Variants in SCHIP1 observed in about 807,000 individuals in gnomAD.
SCHIP1 encodes the protein schwannomin interacting protein 1.
Under a neutral mutation model 29.7 loss-of-function variants are expected in SCHIP1, and 8 were observed. The ratio of observed to expected loss-of-function variants is 0.27; its 90% CI spans 0.16 to 0.49. SCHIP1 has a LOEUF of 0.49. Ranked by LOEUF, SCHIP1 falls within the 20% of genes least tolerant of loss-of-function variation. The probability of loss-of-function intolerance (pLI) is 0.99; values close to 1 mark genes in which losing one functional copy is unlikely to be tolerated. For missense variants in SCHIP1, 193 were observed against 294.6 expected, an observed-to-expected ratio of 0.66 and a Z score of 2.52; for synonymous variants, 76 against 94.9, an observed-to-expected ratio of 0.80 and a Z score of 1.16.
intron 1 of SCHIP1, among the ~76,000 whole-genome samples, chr3:159,850,931 A>G (rs1027271237): frequency 3.9e-5 from 6 of 152,166 alleles, no homozygotes; most frequent in African/African-American, 1.4e-4. Context: ...GATCCAAACC[A>G]CATATCTGGA....
chr3:159,292,749 A>G, the SCHIP1 span, among the ~76,000 whole-genome samples: 4 of 152,232 alleles, frequency 2.6e-5, no homozygotes, highest in East Asian at 7.7e-4. Flanking sequence ...TACATTATCC[A>G]TATTTCAGTT....
chr3:159,713,261 A>AAAG, the SCHIP1 span, among the ~76,000 whole-genome samples: 1 of 151,324 alleles, frequency 6.6e-6, no homozygotes, highest in Non-Finnish European at 1.5e-5. Flanking sequence ...AGAAAGAAAG[A>AAAG]AAGAAAGAAA....
At chr3:159,778,794 G>T in the SCHIP1 span, among the ~76,000 whole-genome samples, 35 of 152,304 alleles carry the variant, frequency 2.3e-4, no homozygotes, top group African/African-American at 8.4e-4. Context: ...TGGAACTCTG[G>T]TGCTGTCTCT....
the SCHIP1 span, among the ~76,000 whole-genome samples, chr3:159,574,993 T>C: frequency 6.6e-6 from 1 of 152,212 alleles, no homozygotes; most frequent in African/African-American, 2.4e-5. Flanking sequence ...TGTCCCGTTT[T>C]TCCAGGTAGT....
At chr3:159,370,793 T>C in the SCHIP1 span, among the ~76,000 whole-genome samples, 1 of 152,164 alleles carries the variant, frequency 6.6e-6, no homozygotes, top group Non-Finnish European at 1.5e-5. Flanking sequence ...CAGAATTACA[T>C]CAGTGCCCTA....
the SCHIP1 span, among the ~76,000 whole-genome samples, chr3:159,732,650 A>G: frequency 5.3e-5 from 8 of 152,218 alleles, no homozygotes; most frequent in South Asian, 1.4e-3. Flanking sequence ...GAAGGCCCTG[A>G]GGCATTTCCA....
the SCHIP1 span, among the ~76,000 whole-genome samples, chr3:159,626,179 T>TAGATAGATAGATAGATAG: frequency 5.1e-4 from 55 of 106,972 alleles, 1 homozygote; most frequent in Non-Finnish European, 4.4e-4. Flanking sequence ...TATCTATCTA[T>TAGATAGATAGATAGATAG]CTAGATAGAT....
chr3:159,347,057 T>C, the SCHIP1 span, among the ~76,000 whole-genome samples: 1 of 152,162 alleles, frequency 6.6e-6, no homozygotes, highest in African/African-American at 2.4e-5. Flanking sequence ...ACTGGCTTCA[T>C]GACCAGACCT....
the SCHIP1 span, among the ~76,000 whole-genome samples, chr3:159,732,786 CAT>C: frequency 2.0e-5 from 3 of 152,200 alleles, no homozygotes; most frequent in East Asian, 5.8e-4. Flanking sequence ...TAAAACCAAA[CAT>C]AGCTGGTAGG....
chr3:159,633,900 T>G, the SCHIP1 span, among the ~76,000 whole-genome samples: 6 of 151,832 alleles, frequency 4.0e-5, no homozygotes, highest in Admixed American at 3.3e-4. Flanking sequence ...ATATTTGGAG[T>G]GGGGAAAATA....
the SCHIP1 span, among the ~76,000 whole-genome samples, chr3:159,581,367 A>G: frequency 1.3e-5 from 2 of 152,188 alleles, no homozygotes; most frequent in Non-Finnish European, 1.5e-5. Context: ...GAAAAGGCTC[A>G]ACAAAAGCTT....
At chr3:159,586,332 C>G in the SCHIP1 span, among the ~76,000 whole-genome samples, 8 of 152,116 alleles carry the variant, frequency 5.3e-5, no homozygotes, top group African/African-American at 9.7e-5. Context: ...GAAGGATGAA[C>G]CAGCTTTGCC....
At chr3:159,289,350 T>C in the SCHIP1 span, among the ~76,000 whole-genome samples, 1 of 152,218 alleles carries the variant, frequency 6.6e-6, no homozygotes, top group African/African-American at 2.4e-5. Context: ...CTGGTCATTT[T>C]CTCTTCATAT....
At chr3:159,307,843 T>C in the SCHIP1 span, among the ~76,000 whole-genome samples, 21 of 152,278 alleles carry the variant, frequency 1.4e-4, no homozygotes, top group Admixed American at 9.2e-4. Flanking sequence ...CTTTCCCCAT[T>C]GCTTGTTTTT....
At chr3:159,834,394 T>G in the SCHIP1 span, among the ~76,000 whole-genome samples, 1 of 152,224 alleles carries the variant, frequency 6.6e-6, no homozygotes, top group Non-Finnish European at 1.5e-5. Flanking sequence ...CGGAGGCATT[T>G]AACTCATCTT....
chr3:159,645,271 C>T, the SCHIP1 span, among the ~76,000 whole-genome samples: 1 of 152,112 alleles, frequency 6.6e-6, no homozygotes, highest in African/African-American at 2.4e-5. Flanking sequence ...AGGCTTGACC[C>T]TCTGATCAGG....
At chr3:159,673,496 C>G in the SCHIP1 span, among the ~76,000 whole-genome samples, 1 of 152,204 alleles carries the variant, frequency 6.6e-6, no homozygotes, top group Non-Finnish European at 1.5e-5. Flanking sequence ...TTGGCAATCT[C>G]TCACCTGATT....
At chr3:159,865,661 T>A (rs1714547006) in intron 1 of SCHIP1, among the ~76,000 whole-genome samples, 1 of 152,234 alleles carries the variant, frequency 6.6e-6, no homozygotes, top group South Asian at 2.1e-4. Context: ...GGTTCTCTTC[T>A]GGCCTTATTG....
chr3:159,421,478 G>C, the SCHIP1 span, among the ~76,000 whole-genome samples: 1 of 152,050 alleles, frequency 6.6e-6, no homozygotes, highest in East Asian at 1.9e-4. Flanking sequence ...TTTACTCTAG[G>C]AATCTATGAC....
Sources: gnomAD v4.1 joint callset for allele counts (sites outside exome capture counted in the v4.1 genomes callset) on GRCh38, gnomAD v4.1.1 for gene constraint, MANE v1.5 for transcripts, NCBI Gene and HGNC (gene_info 2026-07-23, HGNC 2026-07-21) for gene names.